UNC13B: variants seen among roughly 807,000 people sequenced by gnomAD.
UNC13B encodes the protein unc-13 homolog B.
UNC13B carries 144 observed loss-of-function variants against 211.0 expected under a neutral mutation model. The observed-to-expected ratio is 0.68, with a 90% confidence interval of 0.60 to 0.78. The LOEUF (loss-of-function observed/expected upper bound fraction) is 0.78, where lower values mean the gene tolerates loss of function less well. Ranked by LOEUF, UNC13B falls within the 30% of genes least tolerant of loss-of-function variation. The pLI is 0.00. For missense variants in UNC13B, 1,777 were observed against 2,002.0 expected (o/e 0.89, Z 2.14); for synonymous variants, 709 against 725.8 (o/e 0.98, Z 0.37).
intron 7 of UNC13B, among the ~76,000 whole-genome samples, chr9:35,295,253 G>A (rs975308168): frequency 7.2e-5 from 11 of 152,228 alleles, no homozygotes; most frequent in African/African-American, 2.2e-4. Flanking sequence ...CCAAGACAAC[G>A]TTAAATAAAA....
chr9:35,239,276 G>A (rs931655077), intron 5 of UNC13B, among the ~76,000 whole-genome samples: 11 of 152,116 alleles, frequency 7.2e-5, no homozygotes, highest in Admixed American at 1.3e-4. Context: ...AAGGGAAAGA[G>A]TACAAAAGAG....
At chr9:35,176,684 CATT>C (rs144201921) in intron 1 of UNC13B, among the ~76,000 whole-genome samples, 2,588 of 152,208 alleles carry the variant, frequency 0.017, 59 homozygotes, top group African/African-American at 0.06. Context: ...AGGAGTTAGA[CATT>C]AAACAAGGAA....
chr9:35,329,659 T>A (rs1330844904), intron 11 of UNC13B, among the ~76,000 whole-genome samples: 1 of 152,042 alleles, frequency 6.6e-6, no homozygotes, highest in Non-Finnish European at 1.5e-5. Flanking sequence ...AGCTAATTTT[T>A]TATATTTTTT....
intron 29 of UNC13B, 25 bp from the exon 30 acceptor site, chr9:35,397,610 T>C: frequency 6.2e-7 from 1 of 1,604,834 alleles, no homozygotes; most frequent in Non-Finnish European, 8.5e-7. Flanking sequence ...TCCCTTTCCT[T>C]TTCTTTCCTT....
At chr9:35,267,477 C>T (rs759601101) in intron 7 of UNC13B, among the ~76,000 whole-genome samples, 1 of 152,224 alleles carries the variant, frequency 6.6e-6, no homozygotes, top group African/African-American at 2.4e-5. Flanking sequence ...TTCTGGGTTA[C>T]ATGTGCAGAA....
At chr9:35,181,326 C>G (rs905763080) in intron 1 of UNC13B, among the ~76,000 whole-genome samples, 2 of 151,956 alleles carry the variant, frequency 1.3e-5, no homozygotes, top group African/African-American at 4.8e-5. Context: ...ATTCTGTTTT[C>G]TAAAAAAAAT....
Position 35,250,052 on chromosome 9 carries a change from C to T in UNC13B, c.468+6688C>T, listed in dbSNP as rs919109119. On this transcript the variant is annotated intron_variant, in intron 6 of 39. Transcript: ENST00000635942. ...CTTCATAGTTGTGCCCTATGGATAT[C>T]ACCACAACTCCAAATCAGATTTTTG... Among the ~76,000 whole-genome samples the T allele has an allele frequency of 3.9e-5, 6 of 152,054 alleles. No individual in the cohort carries two copies. In the South Asian group the frequency reaches 1.2e-3, roughly 32 times the overall value.
chr9:35,191,603 G>C (rs1288605636), intron 1 of UNC13B, among the ~76,000 whole-genome samples: 1 of 152,196 alleles, frequency 6.6e-6, no homozygotes, highest in Non-Finnish European at 1.5e-5. Flanking sequence ...CAGTATTTAA[G>C]ATATTTTGTA....
At chr9:35,230,287 G>A (rs182880245) in intron 2 of UNC13B, among the ~76,000 whole-genome samples, 3 of 151,832 alleles carry the variant, frequency 2.0e-5, no homozygotes, top group Non-Finnish European at 2.9e-5. Flanking sequence ...CCTGGCCAAC[G>A]TGGTGAAACC....
At chr9:35,390,791 G>A in intron 26 of UNC13B, 77 bp downstream of exon 26, 1 of 1,393,268 alleles carries the variant, frequency 7.2e-7, no homozygotes, top group South Asian at 1.3e-5. Flanking sequence ...TCCTCTTCTA[G>A]ACAACTACAA....
intron 21 of UNC13B, 37 bp from the exon 22 acceptor site, chr9:35,384,209 C>T: frequency 6.2e-7 from 1 of 1,613,102 alleles, no homozygotes; most frequent in South Asian, 1.1e-5. Flanking sequence ...GACACAGGTT[C>T]TCTTTTTCTT....
At chr9:35,297,561 T>TTTTTTTTTTTTTTTTTTTTGTTTTG in intron 8 of UNC13B, among the ~76,000 whole-genome samples, 1 of 128,164 alleles carries the variant, frequency 7.8e-6, no homozygotes, top group African/African-American at 2.9e-5. Flanking sequence ...TTTTTTTTTT[T>TTTTTTTTTTTTTTTTTTTTGTTTTG]TTTTTTGAGA....
rs773635675 is a variant in UNC13B at position 35,306,351 on chromosome 9, C to A, written c.6947C>A (p.Pro2316Gln). ...GAAAAACTGAGTTCCAATATTGTAC[C>A]AGGGACATCAGTGGATTTCCAGATG... ...CQEKLSSNIV[P>Q]GTSVDFQMNE... The change falls in exon 9 of 40, where the codon CCA (proline) becomes CAA (glutamine). Residue 2316 changes from proline (P) to glutamine (Q), a missense_variant. Transcript: ENST00000635942. 1 of 398,942 alleles carries A rather than the reference C, an allele frequency of 2.5e-6. No homozygotes were observed. Among genetic ancestry groups the A allele is most frequent in the Middle Eastern group, 6.3e-4 (1 of 1,588 alleles). The allele number at this position is 398,942 out of a possible 1,614,324, so 24.7% of individuals were successfully genotyped here. A position where few individuals can be genotyped will look rare whatever the true frequency, so the allele number is the denominator to read the frequency against.
At chr9:35,284,301 G>A (rs923984283) in intron 7 of UNC13B, among the ~76,000 whole-genome samples, 7 of 151,996 alleles carry the variant, frequency 4.6e-5, no homozygotes, top group African/African-American at 1.2e-4. Flanking sequence ...TGAGCAGTAC[G>A]GTTATGATTT....
chr9:35,393,302 A>G (rs1835656915), intron 26 of UNC13B, among the ~76,000 whole-genome samples: 1 of 152,154 alleles, frequency 6.6e-6, no homozygotes, highest in African/African-American at 2.4e-5. Flanking sequence ...GTGATGTACA[A>G]GCCGAAACCT....
chr9:35,200,086 A>G (rs963400150), intron 1 of UNC13B, among the ~76,000 whole-genome samples: 15 of 152,168 alleles, frequency 9.9e-5, no homozygotes, highest in South Asian at 2.1e-4. Context: ...AGCACCATTT[A>G]TTAAATAGGG....
intron 1 of UNC13B, among the ~76,000 whole-genome samples, chr9:35,173,735 G>T (rs1821458242): frequency 6.6e-6 from 1 of 152,088 alleles, no homozygotes; most frequent in South Asian, 2.1e-4. Context: ...GAATCTATCT[G>T]ATTGTATTCT....
rs1425610698 is a variant in UNC13B at position 35,302,202 on chromosome 9, T to A, written c.2798T>A (p.Val933Asp). The A allele has an allele frequency of 2.5e-6, 1 of 398,626 alleles. No individual in the cohort carries two copies. Among genetic ancestry groups the A allele is most frequent in the East Asian group, 3.6e-5 (1 of 28,074 alleles). The allele number at this position is 398,626 out of a possible 1,614,324, so 24.7% of individuals were successfully genotyped here. The change falls in exon 9 of 40, where the codon GTT becomes GAT. Residue 933 changes from valine (V) to aspartate (D), a missense_variant. Coordinates refer to ENST00000635942, the MANE Select transcript of UNC13B (RefSeq NM_001371189.2). The part of the protein sequence containing the change: ...TKHSSIKSSS[V>D]PNIHSDLGKF... The stretch of plus-strand genomic sequence containing the variant: ...CATAGTTCAATAAAATCTAGTTCTG[T>A]TCCAAATATTCATAGTGATCTAGGA...
At chr9:35,339,578 G>A (rs570601676) in intron 11 of UNC13B, among the ~76,000 whole-genome samples, 1 of 152,336 alleles carries the variant, frequency 6.6e-6, no homozygotes, top group South Asian at 2.1e-4. Flanking sequence ...TCTGTTTCTT[G>A]CTTTTGCTGG....
Sources: gnomAD v4.1 joint callset for allele counts (sites outside exome capture counted in the v4.1 genomes callset) on GRCh38, gnomAD v4.1.1 for gene constraint, MANE v1.5 for transcripts, NCBI Gene and HGNC (gene_info 2026-07-23, HGNC 2026-07-21) for gene names.